The following ZSCAN18 variants were observed in gnomAD, a reference collection of about 807,000 sequenced individuals.
The protein encoded by ZSCAN18 is zinc finger and SCAN domain containing 18, also known as zinc finger and SCAN domain-containing protein 18.
Under a neutral mutation model 31.1 loss-of-function variants are expected in ZSCAN18, and 16 were observed. The ratio of observed to expected loss-of-function variants is 0.51; its 90% confidence interval spans 0.35 to 0.78. The LOEUF (loss-of-function observed/expected upper bound fraction) is 0.78, where lower values mean the gene tolerates loss of function less well. Ranked by LOEUF, ZSCAN18 falls within the 30% of genes least tolerant of loss-of-function variation. The pLI is 0.01. For missense variants in ZSCAN18, 731 were observed against 697.4 expected (o/e 1.05, Z -0.54); for synonymous variants, 375 against 320.7 (o/e 1.17, Z -1.81).
In ZSCAN18 at chr19:58,085,271, T is replaced by C. The variant is rs760198001; in HGVS notation, c.947A>G (p.Asp316Gly). Residue 316 changes from aspartate to glycine, a missense_variant, in exon 7 of 7, where the codon GAT becomes GGT. Transcript: ENST00000601144. Reference protein sequence around the residue: ...TEAPPGDALADPPSGTTEEEE... With the variant: ...TEAPPGDALAGPPSGTTEEEE... ...CTCCTCAGTGGTGCCCGACGGGGGA[T>C]CGGCAAGGGCGTCCCCAGGGGGCGC... 2 of 1,602,536 alleles carry C rather than the reference T, an allele frequency of 1.2e-6. No homozygotes were observed. Among genetic ancestry groups the C allele is most frequent in the Non-Finnish European group, 8.5e-7 (1 of 1,177,938 alleles).
At chr19:58,098,481 CAA>C (rs1349947642), upstream of ZSCAN18, 1 of 669,598 alleles carries the variant, frequency 1.5e-6, no homozygotes. Context: ...CCCGGAGAAA[CAA>C]AGACGGTGAG....
chr19:58,110,872 A>C (rs2146026395), intron 1 of ZSCAN18, among the ~76,000 whole-genome samples: 1 of 152,292 alleles, frequency 6.6e-6, no homozygotes, highest in Middle Eastern at 3.4e-3. Context: ...ATGATATAAA[A>C]CATACCCATT....
chr19:58,105,952 C>T (rs938729543), intron 1 of ZSCAN18, among the ~76,000 whole-genome samples: 9 of 151,576 alleles, frequency 5.9e-5, no homozygotes, highest in Admixed American at 1.3e-4. Context: ...GCACTCTAGC[C>T]GAGGCAACAG....
At chr19:58,117,420 G>C (rs771606266) in intron 1 of ZSCAN18, among the ~76,000 whole-genome samples, 1 of 152,110 alleles carries the variant, frequency 6.6e-6, no homozygotes, top group Non-Finnish European at 1.5e-5. Flanking sequence ...AGCAGGGATG[G>C]GAGGAAGCCT....
intron 5 of ZSCAN18, 42 bp from the exon 6 acceptor site, chr19:58,086,308 CAG>C (rs762594411): frequency 1.4e-5 from 22 of 1,575,794 alleles, no homozygotes; most frequent in Non-Finnish European, 1.9e-5. Flanking sequence ...GGCATCAACA[CAG>C]AGTGGCTGAT....
Position 58,084,374 on chromosome 19 carries a change from A to G in ZSCAN18, c.*311T>C, listed in dbSNP as rs2074216293. Reference sequence around the variant, plus strand: ...AGATCACGCACTTTAAGGCAACTCTACACTGCACAATGTCAAATAACCTAG... The same window carrying G: ...AGATCACGCACTTTAAGGCAACTCTGCACTGCACAATGTCAAATAACCTAG... On this transcript the variant is annotated 3_prime_UTR_variant, in exon 7 of 7. Coordinates refer to ENST00000601144, the MANE Select transcript of ZSCAN18 (RefSeq NM_001145543.2). The surrounding 1 kb of genome is among the most constrained non-coding windows in gnomAD (Gnocchi z 4.5). 3.1e-6 allele frequency: 1 copy of G among 320,934 alleles called. No homozygotes were observed. Among genetic ancestry groups the G allele is most frequent in the Non-Finnish European group, 5.7e-6 (1 of 176,686 alleles). The allele number at this position is 320,934 out of a possible 1,614,324, so 19.9% of individuals were successfully genotyped here. A position where few individuals can be genotyped will look rare whatever the true frequency, so the allele number is the denominator to read the frequency against.
In ZSCAN18 at chr19:58,084,359, C is replaced by CT. The variant is rs2074215941; in HGVS notation, c.*325dup. 3.3e-5 allele frequency: 9 copies of CT among 269,152 alleles called. No homozygotes were observed. The East Asian group carries it at 6.0e-4, about 18-fold the overall frequency. The allele number at this position is 269,152 out of a possible 1,614,324, so 16.7% of individuals were successfully genotyped here. A position where few individuals can be genotyped will look rare whatever the true frequency, so the allele number is the denominator to read the frequency against. On this transcript the variant is annotated 3_prime_UTR_variant, in exon 7 of 7. Coordinates refer to ENST00000601144, the MANE Select transcript of ZSCAN18 (RefSeq NM_001145543.2). This position sits in a 1 kb window ranked among gnomAD's most constrained non-coding sequence, Gnocchi z 4.5. ...GAAGAAAGCACTGGCAGATCACGCACTTTAAGGCAACTCTACACTGCACAA... is the reference window on the plus strand; with the variant it reads ...GAAGAAAGCACTGGCAGATCACGCACTTTTAAGGCAACTCTACACTGCACAA...
chr19:58,096,100 C>T (rs555923724), intron 1 of ZSCAN18, among the ~76,000 whole-genome samples: 16 of 152,264 alleles, frequency 1.1e-4, no homozygotes, highest in Middle Eastern at 6.8e-3. Flanking sequence ...GGTGCGGCAG[C>T]GTACATCTAT....
intron 1 of ZSCAN18, among the ~76,000 whole-genome samples, chr19:58,096,404 G>A (rs1005078262): frequency 9.2e-5 from 14 of 152,200 alleles, no homozygotes; most frequent in African/African-American, 1.4e-4. Flanking sequence ...CTCAGCAAAT[G>A]AAGCAATCTG....
intron 1 of ZSCAN18, among the ~76,000 whole-genome samples, chr19:58,110,813 T>C (rs1230227076): frequency 6.6e-6 from 1 of 152,224 alleles, no homozygotes; most frequent in African/African-American, 2.4e-5. Context: ...AGATGTATTT[T>C]CATGAGTGTT....
chr19:58,098,493 G>A (rs2074564658), upstream of ZSCAN18: 2 of 590,120 alleles, frequency 3.4e-6, no homozygotes, highest in Non-Finnish European at 4.3e-6. Context: ...AAGACGGTGA[G>A]AAACGGAGAA....
At chr19:58,108,420 C>T (rs1267631558) in intron 1 of ZSCAN18, 36 of 985,372 alleles carry the variant, frequency 3.7e-5, no homozygotes, top group Non-Finnish European at 4.3e-5. Context: ...ATACCAATTC[C>T]TTTCACAGGG....
Position 58,085,253 on chromosome 19 carries a change from G to T in ZSCAN18, c.965C>A (p.Thr322Asn), listed in dbSNP as rs1162951384. Residue 322 changes from threonine to asparagine, a missense_variant, in exon 7 of 7, where the codon ACT becomes AAT. Coordinates refer to ENST00000601144, the MANE Select transcript of ZSCAN18 (RefSeq NM_001145543.2). ...DALADPPSGT[T>N]EEEEEQPGKA... Reference sequence around the variant, plus strand: ...CCCAGGCTGCTCTTCCTCCTCCTCAGTGGTGCCCGACGGGGGATCGGCAAG... The same window carrying T: ...CCCAGGCTGCTCTTCCTCCTCCTCATTGGTGCCCGACGGGGGATCGGCAAG... The T allele has an allele frequency of 3.4e-5, 54 of 1,605,694 alleles. No individual in the cohort carries two copies. Among genetic ancestry groups the T allele is most frequent in the Non-Finnish European group, 4.5e-5 (53 of 1,178,620 alleles).
intron 6 of ZSCAN18, chr19:58,085,836 C>A: frequency 2.9e-6 from 1 of 348,610 alleles, no homozygotes; most frequent in Non-Finnish European, 5.2e-6. Context: ...CACCCAGGGC[C>A]CTCCAGCCCA....
chr19:58,086,049 G>C (rs1409906411), intron 6 of ZSCAN18, 125 bp downstream of exon 6: 1 of 731,300 alleles, frequency 1.4e-6, no homozygotes, highest in Admixed American at 2.6e-5. Context: ...ACGGTGGTGG[G>C]AGAATGGTGA....
chr19:58,099,964 G>T (rs373882656), upstream of ZSCAN18, among the ~76,000 whole-genome samples: 79 of 136,094 alleles, frequency 5.8e-4, no homozygotes, highest in Non-Finnish European at 8.4e-4. Flanking sequence ...TGAAAGCTAT[G>T]TTTTTTTTTT....
At chr19:58,104,702 CAATAAAATAAAATAAAATAA>C (rs369292414) in intron 1 of ZSCAN18, among the ~76,000 whole-genome samples, 2 of 139,886 alleles carry the variant, frequency 1.4e-5, no homozygotes, top group Admixed American at 7.3e-5. Flanking sequence ...GACTCCATCT[CAATAAAATAAAATAAAATAA>C]AATAAAATAA....
intron 1 of ZSCAN18, among the ~76,000 whole-genome samples, chr19:58,096,370 T>A (rs2146004950): frequency 6.6e-6 from 1 of 152,280 alleles, no homozygotes; most frequent in Non-Finnish European, 1.5e-5. Context: ...CAGATGGGAT[T>A]TTCCTGGAGC....
At chr19:58,085,445 G>A (rs2074258217) in intron 6 of ZSCAN18, 66 bp from the exon 7 acceptor site, 3 of 1,393,086 alleles carry the variant, frequency 2.2e-6, no homozygotes, top group Admixed American at 2.5e-5. Flanking sequence ...GGACCCAGCC[G>A]AGCCTCAGCT....
Sources: allele counts gnomAD v4.1 joint callset (sites outside exome capture counted in the v4.1 genomes callset), GRCh38; gene constraint gnomAD v4.1.1; non-coding constraint Gnocchi (gnomAD v3.1); transcripts MANE v1.5; gene names NCBI Gene and HGNC (gene_info 2026-07-23, HGNC 2026-07-21).